PRKG2: variants seen among roughly 807,000 people sequenced by gnomAD.
The protein encoded by PRKG2 is cGMP-dependent protein kinase 2.
A neutral mutation model predicts 97.2 loss-of-function variants in PRKG2; 33 were observed. That is an observed-to-expected ratio of 0.34 (90% CI 0.26 to 0.45). PRKG2 has a LOEUF of 0.45. Among genes scored for constraint, PRKG2 ranks in the 20% least tolerant of loss-of-function variants. PRKG2 has a pLI of 1.00. For synonymous variants in PRKG2, 330 were observed against 321.8 expected, an observed-to-expected ratio of 1.03 and a Z score of -0.27; for missense variants, 638 against 900.0, an observed-to-expected ratio of 0.71 and a Z score of 3.73.
intron 6 of PRKG2, among the ~76,000 whole-genome samples, chr4:81,154,681 G>C (rs1177601153): frequency 6.6e-6 from 1 of 152,092 alleles, no homozygotes; most frequent in African/African-American, 2.4e-5. Flanking sequence ...AAACAGAGCA[G>C]AAAAACTAGA....
chr4:81,190,825 T>A (rs181875582), intron 2 of PRKG2, among the ~76,000 whole-genome samples: 1 of 152,086 alleles, frequency 6.6e-6, no homozygotes, highest in African/African-American at 2.4e-5. Context: ...CCAACAGACA[T>A]GAAAAAAAGC....
chr4:81,095,763 T>C (rs572890324), intron 17 of PRKG2, among the ~76,000 whole-genome samples: 2 of 152,330 alleles, frequency 1.3e-5, no homozygotes, highest in African/African-American at 4.8e-5. Flanking sequence ...GAGTCTATTC[T>C]TGAAAGTAAT....
chr4:81,093,360 A>AACACACACACACACACAC (rs60004845), intron 17 of PRKG2, among the ~76,000 whole-genome samples: 2 of 116,282 alleles, frequency 1.7e-5, no homozygotes, highest in African/African-American at 6.1e-5. Flanking sequence ...CTCCCCCACC[A>AACACACACACACACACAC]ACACACACAC....
intron 17 of PRKG2, among the ~76,000 whole-genome samples, chr4:81,104,073 GAAT>G (rs1743084828): frequency 6.6e-6 from 1 of 151,898 alleles, no homozygotes; most frequent in Admixed American, 6.6e-5. Context: ...AAAACCTAAA[GAAT>G]AATAAAGACA....
intron 17 of PRKG2, among the ~76,000 whole-genome samples, chr4:81,103,865 T>C (rs914595151): frequency 6.6e-6 from 1 of 152,044 alleles, no homozygotes; most frequent in Non-Finnish European, 1.5e-5. Context: ...ACCCTGTCTC[T>C]ACTAAAAATA....
chr4:81,135,972 A>T (rs1746654728), intron 13 of PRKG2, among the ~76,000 whole-genome samples: 1 of 152,138 alleles, frequency 6.6e-6, no homozygotes, highest in South Asian at 2.1e-4. Flanking sequence ...TCTGAGGCTC[A>T]GAATCCATAT....
At position 81,089,057 on chromosome 4, in the gene PRKG2, T is replaced by C. The variant is rs970819180; in HGVS notation, c.*651A>G. The C allele has an allele frequency of 1.3e-5, 2 of 152,210 alleles. No homozygotes were observed. Among genetic ancestry groups the C allele is most frequent in the African/African-American group, 4.8e-5 (2 of 41,456 alleles). 9.4% of individuals were successfully genotyped at this position (152,210 alleles called of 1,614,324 possible). On this transcript the variant is annotated 3_prime_UTR_variant, in exon 19 of 19. Transcript: ENST00000264399. Reference sequence around the variant, plus strand: ...TTACTTTTTTTTCTAAGTTCCCCAATAGAAAATAATTACCTGACTGGATTG... The same window carrying C: ...TTACTTTTTTTTCTAAGTTCCCCAACAGAAAATAATTACCTGACTGGATTG...
intron 9 of PRKG2, among the ~76,000 whole-genome samples, chr4:81,146,424 T>C (rs1165705305): frequency 6.6e-6 from 1 of 152,148 alleles, no homozygotes; most frequent in Non-Finnish European, 1.5e-5. Flanking sequence ...ATGTGACAAA[T>C]AGCATTTCCC....
rs1056839913 is a variant in PRKG2, at chr4:81,124,532, T to C, written c.1776+10623A>G. On this transcript the variant is annotated intron_variant, in intron 14 of 18. Coordinates refer to ENST00000264399, the MANE Select transcript of PRKG2 (RefSeq NM_006259.3). ...AGCTTTGTAGCTTTTTCATTGTCTT[T>C]TGGATGACCCACCCAGAGGGAAGCC... Among the ~76,000 whole-genome samples the C allele has an allele frequency of 2.6e-5, 4 of 152,206 alleles. No individual in the cohort carries two copies. In the East Asian group the frequency reaches 5.8e-4, roughly 22 times the overall value.
At chr4:81,112,302 T>A (rs2109984817) in intron 14 of PRKG2, among the ~76,000 whole-genome samples, 1 of 152,286 alleles carries the variant, frequency 6.6e-6, no homozygotes, top group East Asian at 1.9e-4. Flanking sequence ...AAATTTGTAA[T>A]CAGCTGAGAC....
At position 81,092,465 on chromosome 4, in the gene PRKG2, A is replaced by AAGG. The variant is rs374648052; in HGVS notation, c.2127-14_2127-13insCCT. The stretch of plus-strand genomic sequence containing the variant: ...ACCATTTAACCACCTGAGAAATGAG[A>AAGG]AAGGAAGGAAGGAAGGAAGGAAGGA... On this transcript the variant is annotated splice_polypyrimidine_tract_variant and intron_variant, in intron 17 of 18. Coordinates refer to ENST00000264399, the MANE Select transcript of PRKG2 (RefSeq NM_006259.3). 14 of 926,504 alleles carry AAGG rather than the reference A, an allele frequency of 1.5e-5. No homozygotes were observed. The highest frequency in any genetic ancestry group is 1.1e-4 in the East Asian group (4 of 36,394). 57.4% of individuals were successfully genotyped at this position (926,504 alleles called of 1,614,324 possible).
intron 8 of PRKG2, among the ~76,000 whole-genome samples, chr4:81,151,750 C>T (rs1748424602): frequency 1.3e-5 from 2 of 152,132 alleles, no homozygotes; most frequent in African/African-American, 2.4e-5. Context: ...TTCATTTTCA[C>T]TAGCAAACTT....
chr4:81,204,438 T>C, intron 2 of PRKG2, 149 bp downstream of exon 2: 1 of 870,004 alleles, frequency 1.1e-6, no homozygotes, highest in Non-Finnish European at 1.8e-6. Context: ...GAGATTTTTT[T>C]GCAAAACAAA....
chr4:81,149,841 A>G (rs1748209647), intron 8 of PRKG2, among the ~76,000 whole-genome samples: 1 of 152,174 alleles, frequency 6.6e-6, no homozygotes, highest in Non-Finnish European at 1.5e-5. Flanking sequence ...CAAAAATGTT[A>G]TCGCACAAAG....
rs539486828 is a variant in PRKG2, at chr4:81,106,741, T to C, written c.1941-806A>G. ...AACCCTAATCCCAGTGTGATGGTAT[T>C]TGGAGGTGAGGCCTGTGGGAGGTAA... On this transcript the variant is annotated intron_variant, in intron 15 of 18. Transcript: ENST00000264399. Among the ~76,000 whole-genome samples the C allele has an allele frequency of 3.3e-5, 5 of 152,314 alleles. No individual in the cohort carries two copies. In the South Asian group the frequency reaches 1.0e-3, roughly 32 times the overall value.
intron 2 of PRKG2, among the ~76,000 whole-genome samples, chr4:81,200,192 C>T (rs1013225301): frequency 2.6e-5 from 4 of 152,204 alleles, no homozygotes; most frequent in Admixed American, 2.6e-4. Flanking sequence ...GTGCTCAAGG[C>T]AGACCAGACA....
chr4:81,090,438 GTTC>G (rs1281823664), intron 18 of PRKG2, among the ~76,000 whole-genome samples: 3 of 151,584 alleles, frequency 2.0e-5, no homozygotes, highest in African/African-American at 7.3e-5. Flanking sequence ...ATCTGCTAGC[GTTC>G]TTCTTCCATT....
At chr4:81,196,094 G>A (rs1377228140) in intron 2 of PRKG2, among the ~76,000 whole-genome samples, 1 of 152,200 alleles carries the variant, frequency 6.6e-6, no homozygotes, top group Non-Finnish European at 1.5e-5. Context: ...GCCTGTGAGA[G>A]GGACGCAAGG....
rs1560599317 is a variant in PRKG2 at position 81,169,758 on chromosome 4, ATT to A, written c.751_752del (p.Asn251CysfsTer2). ...TRTASVKAIT[N>X]VKTWALDREV... is the part of the protein sequence containing the mutation. ...CTCGATCTAGTGCCCATGTTTTAAC[ATT>A]GGTAATAGCTTTAGAAAATTCAAGA... On this transcript the variant is annotated frameshift_variant, in exon 5 of 19. Transcript: ENST00000264399. LOFTEE classifies it high-confidence loss of function. 1 of 1,602,278 alleles carries A rather than the reference ATT, an allele frequency of 6.2e-7. No individual in the cohort carries two copies. The highest frequency in any genetic ancestry group is 1.1e-5 in the South Asian group (1 of 89,658).
Sources: gnomAD v4.1 joint callset for allele counts (sites outside exome capture counted in the v4.1 genomes callset) on GRCh38, gnomAD v4.1.1 for gene constraint, MANE v1.5 for transcripts, NCBI Gene and HGNC (gene_info 2026-07-23, HGNC 2026-07-21) for gene names.